Variants in COL3A1 observed in about 807,000 individuals in gnomAD.
The protein encoded by COL3A1 is collagen type III alpha 1 chain, also known as collagen alpha-1(III) chain.
In COL3A1, 46 loss-of-function variants were observed where a neutral mutation model predicts 200.9. That is an observed-to-expected ratio of 0.23 (90% confidence interval 0.18 to 0.29). The LOEUF is 0.29. Ranked by LOEUF, COL3A1 falls within the 10% of genes least tolerant of loss-of-function variation. The pLI is 1.00. For missense variants in COL3A1, 1,367 were observed against 1,917.6 expected (o/e 0.71, Z 5.36); for synonymous variants, 650 against 628.0 (o/e 1.03, Z -0.52).
At chr2:189,001,278 T>A in intron 32 of COL3A1, 119 bp from the exon 33 acceptor site, 1 of 970,850 alleles carries the variant, frequency 1.0e-6, no homozygotes, top group Non-Finnish European at 1.6e-6. Context: ...GCCATAAAAA[T>A]TTTTAAAAAG....
In COL3A1 at chr2:188,998,713, G is replaced by A. The variant is rs778057834; in HGVS notation, c.2017G>A (p.Gly673Ser). Reference sequence around the variant, plus strand: ...TGCCGGTGCACCTGGAGCTCCAGGAGGCAAGGTAGTATTTCAATTTATTCT... The same window carrying A: ...TGCCGGTGCACCTGGAGCTCCAGGAAGCAAGGTAGTATTTCAATTTATTCT... Reference protein sequence around the residue: ...GDAGAPGAPGGKGDAGAPGER... With the variant: ...GDAGAPGAPGSKGDAGAPGER... The change falls in exon 29 of 51, where the codon GGC becomes AGC. Residue 673 changes from glycine to serine, a missense_variant. Around this residue, in one of 5 missense-constraint regions of COL3A1, gnomAD observed 846 missense variants for 1,147.9 expected, o/e 0.74. Coordinates refer to ENST00000304636, the MANE Select transcript of COL3A1 (RefSeq NM_000090.4). 1.2e-6 allele frequency: 2 copies of A among 1,613,704 alleles called. No homozygotes were observed. Among genetic ancestry groups the A allele is most frequent in the Non-Finnish European group, 1.7e-6 (2 of 1,179,830 alleles).
At chr2:188,982,260 A>G (rs1456148174) in intron 1 of COL3A1, among the ~76,000 whole-genome samples, 1 of 151,742 alleles carries the variant, frequency 6.6e-6, no homozygotes, top group Non-Finnish European at 1.5e-5. Context: ...ACAATAAGCT[A>G]AATAACAACG....
Position 188,995,777 on chromosome 2 carries a change from G to A in COL3A1, c.1595G>A (p.Gly532Asp), listed in dbSNP as rs1305363057. The change falls in exon 22 of 51, where the codon GGT becomes GAT. Residue 532 changes from glycine to aspartate, a missense_variant. Transcript: ENST00000304636. Reference sequence around the variant, plus strand: ...CCTGGCAGAGATGGCGTCCCTGGAGGTCCAGGAATGAGGGTACAGAGAAAC... The same window carrying A: ...CCTGGCAGAGATGGCGTCCCTGGAGATCCAGGAATGAGGGTACAGAGAAAC... ...GEPGRDGVPG[G>D]PGMRGMPGSP... The A allele has an allele frequency of 1.3e-6, 2 of 1,560,980 alleles. No homozygotes were observed. The highest frequency in any genetic ancestry group is 1.7e-4 in the Middle Eastern group (1 of 5,936).
rs1038185864 is a variant in COL3A1 at position 189,004,180 on chromosome 2, T to A, written c.2823+37T>A. The A allele has an allele frequency of 1.9e-6, 3 of 1,612,528 alleles. No homozygotes were observed. The African/African-American group carries it at 4.0e-5, about 22-fold the overall frequency. On this transcript the variant is annotated intron_variant, in intron 39 of 50. Transcript: ENST00000304636. ...CATTTTTTTAAATTGATTCTACTAT[T>A]TTGATTTTTATCACAAATCGATTAG...
intron 47 of COL3A1, chr2:189,008,694 A>T: frequency 1.7e-6 from 1 of 587,032 alleles, no homozygotes; most frequent in Non-Finnish European, 3.0e-6. Context: ...TTGTGCTCTG[A>T]CACTACTGAT....
intron 24 of COL3A1, 44 bp downstream of exon 24, chr2:188,996,540 G>A (rs1254869407): frequency 6.6e-7 from 1 of 1,520,932 alleles, no homozygotes. Context: ...TTGACTGGAA[G>A]GCTTTTATTT....
intron 5 of COL3A1, among the ~76,000 whole-genome samples, chr2:188,987,753 C>T (rs1688093648): frequency 6.6e-6 from 1 of 152,044 alleles, no homozygotes; most frequent in South Asian, 2.1e-4. Flanking sequence ...TGCTTCTTCA[C>T]CAGTGCAATA....
intron 6 of COL3A1, among the ~76,000 whole-genome samples, 177 bp downstream of exon 6, chr2:188,988,311 A>C (rs760039591): frequency 1.3e-5 from 2 of 152,308 alleles, no homozygotes; most frequent in East Asian, 1.9e-4. Context: ...CCTTTCCACC[A>C]ACAGTTATTA....
At chr2:188,987,963 CA>C in intron 5 of COL3A1, 117 bp from the exon 6 acceptor site, 1 of 787,206 alleles carries the variant, frequency 1.3e-6, no homozygotes, top group Non-Finnish European at 2.2e-6. Context: ...AAAAAGTTAT[CA>C]AAAGATGAGA....
intron 7 of COL3A1, among the ~76,000 whole-genome samples, chr2:188,988,942 C>T (rs1688119543): frequency 6.6e-6 from 1 of 151,586 alleles, no homozygotes; most frequent in African/African-American, 2.4e-5. Flanking sequence ...ACACTCAGTT[C>T]ACTCATATCT....
intron 43 of COL3A1, 148 bp downstream of exon 43, chr2:189,006,600 A>G: frequency 1.2e-6 from 1 of 831,846 alleles, no homozygotes; most frequent in Admixed American, 2.0e-5. Flanking sequence ...CCTTAGACAA[A>G]TGTGTGAATA....
In COL3A1 at chr2:189,003,437, A is replaced by G; in HGVS notation, c.2580A>G (p.Lys860=). 1.9e-6 allele frequency: 3 copies of G among 1,613,684 alleles called. No individual in the cohort carries two copies. Among genetic ancestry groups the G allele is most frequent in the Non-Finnish European group, 2.5e-6 (3 of 1,179,800 alleles). ...PAGPPGPQGV[K]GERGSPGGPG... ...GTCCTCCTGGTCCCCAAGGTGTCAA[A>G]GGTGAACGTGGCAGTCCTGGTGGAC... The change falls in exon 37 of 51, where the codon AAA becomes AAG. Residue 860 remains lysine, a synonymous_variant. Transcript: ENST00000304636.
chr2:188,994,880 T>G lies in COL3A1; in HGVS notation c.1455+49T>G. 1 of 1,598,172 alleles carries G rather than the reference T, an allele frequency of 6.3e-7. No individual in the cohort carries two copies. Among genetic ancestry groups the G allele is most frequent in the East Asian group, 2.2e-5 (1 of 44,790 alleles). ...AAAGAAAAGCAGCATCACTGTCATC[T>G]AAATAAAACTACCTTCAGGGTGAGA... On this transcript the variant is annotated intron_variant, in intron 20 of 50. Transcript: ENST00000304636. The surrounding 1 kb of genome is among the most constrained non-coding windows in gnomAD (Gnocchi z 4.5).
intron 1 of COL3A1, among the ~76,000 whole-genome samples, chr2:188,981,101 C>T (rs1278635443): frequency 6.6e-6 from 1 of 151,070 alleles, no homozygotes; most frequent in Non-Finnish European, 1.5e-5. Context: ...ATTTTTTGTC[C>T]AAACAATATG....
chr2:189,007,223 CT>C (rs375658733), intron 44 of COL3A1, among the ~76,000 whole-genome samples: 116 of 146,194 alleles, frequency 7.9e-4, no homozygotes, highest in South Asian at 2.8e-3. Flanking sequence ...CAAATATAAA[CT>C]TTCCTTTAAT....
chr2:189,002,180 C>A, intron 34 of COL3A1, 118 bp from the exon 35 acceptor site: 1 of 829,096 alleles, frequency 1.2e-6, no homozygotes, highest in Non-Finnish European at 2.1e-6. Context: ...AGTTTATTGG[C>A]TACTCTGCAC....
rs755287610 is a variant in COL3A1, at chr2:188,994,030, A to G, written c.1150-8A>G. On this transcript the variant is annotated splice_polypyrimidine_tract_variant and splice_region_variant and intron_variant, in intron 16 of 50. Coordinates refer to ENST00000304636, the MANE Select transcript of COL3A1 (RefSeq NM_000090.4). The surrounding 1 kb of genome is among the most constrained non-coding windows in gnomAD (Gnocchi z 4.5). ...TATTAATACATTATCTGTTTTTTGT[A>G]TACTTAGGGCCCTCCTGGGATTAAT... is the stretch of plus-strand genomic sequence containing the variant. 6.2e-7 allele frequency: 1 copy of G among 1,613,434 alleles called. No homozygotes were observed. The highest frequency in any genetic ancestry group is 1.3e-5 in the African/African-American group (1 of 74,908).
intron 6 of COL3A1, among the ~76,000 whole-genome samples, chr2:188,988,358 T>C (rs1487313816): frequency 1.3e-5 from 2 of 152,124 alleles, no homozygotes; most frequent in Non-Finnish European, 2.9e-5. Flanking sequence ...CCACATTAAT[T>C]TGCATGTAAT....
chr2:189,004,479 T>G lies in COL3A1; in HGVS notation c.2931+115T>G, dbSNP rs887991176. On this transcript the variant is annotated intron_variant, in intron 40 of 50. Transcript: ENST00000304636. ...TCACTGGAGTAAATTAGCCAGGAGA[T>G]AATTTTTTTTTATTTTTAGATTTTT... is the stretch of plus-strand genomic sequence containing the variant. The G allele has an allele frequency of 7.3e-6, 7 of 959,270 alleles. No individual in the cohort carries two copies. In the Admixed American group the frequency reaches 1.9e-4, roughly 26 times the overall value. 59.4% of individuals were successfully genotyped at this position (959,270 alleles called of 1,614,324 possible). A position where few individuals can be genotyped will look rare whatever the true frequency, so the allele number is the denominator to read the frequency against.
Sources: gnomAD v4.1 joint callset for allele counts (sites outside exome capture counted in the v4.1 genomes callset) on GRCh38, gnomAD v4.1.1 for gene constraint, gnomAD v4.1.1 regional missense constraint, Gnocchi (gnomAD v3.1) non-coding constraint, MANE v1.5 for transcripts, NCBI Gene and HGNC (gene_info 2026-07-23, HGNC 2026-07-21) for gene names.